Variants in YTHDC2 observed in about 807,000 individuals in gnomAD.
YTHDC2 encodes the protein YTH N6-methyladenosine RNA binding protein C2.
YTHDC2 carries 45 observed loss-of-function variants against 174.9 expected under a neutral mutation model. The observed-to-expected ratio is 0.26, with a 90% CI of 0.20 to 0.33. YTHDC2 has a LOEUF of 0.33. Among genes scored for constraint, YTHDC2 ranks in the 10% least tolerant of loss-of-function variants. The probability of loss-of-function intolerance (pLI) is 1.00; values close to 1 mark genes in which losing one functional copy is unlikely to be tolerated. For synonymous variants in YTHDC2, 657 were observed against 574.5 expected (o/e 1.14, Z -2.05); for missense variants, 1,650 against 1,723.7 (o/e 0.96, Z 0.76).
intron 26 of YTHDC2, among the ~76,000 whole-genome samples, chr5:113,589,318 T>C (rs1778861112): frequency 6.6e-6 from 1 of 150,640 alleles, no homozygotes; most frequent in African/African-American, 2.4e-5. Flanking sequence ...ATTTAGTGTC[T>C]AATCTGCTGT....
At chr5:113,548,215 G>A (rs1036592475) in intron 10 of YTHDC2, among the ~76,000 whole-genome samples, 6 of 152,114 alleles carry the variant, frequency 3.9e-5, no homozygotes, top group African/African-American at 1.4e-4. Context: ...TCTAGATTTA[G>A]GAAGATTATT....
At chr5:113,588,220 C>A (rs1362117776) in intron 26 of YTHDC2, among the ~76,000 whole-genome samples, 1 of 151,992 alleles carries the variant, frequency 6.6e-6, no homozygotes, top group East Asian at 1.9e-4. Context: ...ATCTCTCTGG[C>A]CAGAGCCTCC....
chr5:113,515,830 G>T (rs1373559029), intron 2 of YTHDC2, among the ~76,000 whole-genome samples: 2 of 152,190 alleles, frequency 1.3e-5, no homozygotes, highest in Non-Finnish European at 2.9e-5. Flanking sequence ...GCAGTAAATT[G>T]TGGGAAGGTA....
At chr5:113,529,667 C>T (rs1429677281) in intron 4 of YTHDC2, among the ~76,000 whole-genome samples, 2 of 151,704 alleles carry the variant, frequency 1.3e-5, no homozygotes, top group Admixed American at 6.6e-5. Context: ...TCTATGAGTT[C>T]CTTATTTTTA....
In YTHDC2 at chr5:113,513,727, GCT is replaced by G. The variant is rs1773174391; in HGVS notation, c.-168_-167del. On this transcript the variant is annotated 5_prime_UTR_variant, in exon 1 of 30. The change abolishes the stop of an existing upstream ORF in the 5' untranslated region. Coordinates refer to ENST00000161863, the MANE Select transcript of YTHDC2 (RefSeq NM_022828.5). The stretch of plus-strand genomic sequence containing the variant: ...CCTGGCCGTGATATCAATGGCGCAG[GCT>G]TCACTTCTGCTGTGGCGGTGACTGA... 4.3e-6 allele frequency: 3 copies of G among 698,974 alleles called. No homozygotes were observed. Among genetic ancestry groups the G allele is most frequent in the Non-Finnish European group, 4.4e-6 (2 of 450,678 alleles). 43.3% of individuals were successfully genotyped at this position (698,974 alleles called of 1,614,324 possible).
At position 113,553,970 on chromosome 5, in the gene YTHDC2, G is replaced by A. The variant is rs1315712518; in HGVS notation, c.2081G>A (p.Ser694Asn). 1 of 1,586,798 alleles carries A rather than the reference G, an allele frequency of 6.3e-7. No homozygotes were observed. The highest frequency in any genetic ancestry group is 1.4e-5 in the African/African-American group (1 of 73,388). ...IILSTNIAETSITVNDVVFVI... is the reference protein window; with the variant it reads ...IILSTNIAETNITVNDVVFVI... ...CTTTCCACCAATATTGCTGAAACCA[G>A]CATCACAGTCAATGATGTTGTCTTT... The change falls in exon 16 of 30, where the codon AGC (serine) becomes AAC (asparagine). Residue 694 changes from serine (S) to asparagine (N), a missense_variant. This residue lies in a region of YTHDC2 where 913 missense variants were observed against 940.4 expected (regional missense o/e 0.97). Transcript: ENST00000161863.
At position 113,563,604 on chromosome 5, in the gene YTHDC2, G is replaced by A. The variant is rs6886338; in HGVS notation, c.2442+112G>A. 0.54 allele frequency: 659,925 copies of A among 1,213,182 alleles called. 186,999 individuals are homozygous for A. Among genetic ancestry groups the A allele is most frequent in the African/African-American group, 0.91 (59,156 of 65,030 alleles). The allele number at this position is 1,213,182 out of a possible 1,614,324, so 75.2% of individuals were successfully genotyped here. A position where few individuals can be genotyped will look rare whatever the true frequency, so the allele number is the denominator to read the frequency against. ...AATTATTTTTTATTTTTGTCCTCCT[G>A]CATGTGTCCAGATAAACTAATTTTG... On this transcript the variant is annotated intron_variant, in intron 19 of 29. Coordinates refer to ENST00000161863, the MANE Select transcript of YTHDC2 (RefSeq NM_022828.5).
At chr5:113,560,277 A>G (rs1008960394) in intron 17 of YTHDC2, among the ~76,000 whole-genome samples, 19 of 152,134 alleles carry the variant, frequency 1.2e-4, no homozygotes, top group African/African-American at 3.6e-4. Flanking sequence ...CATTCCCTGG[A>G]CCCTCAGTTC....
chr5:113,542,900 C>T (rs112057647), intron 10 of YTHDC2, among the ~76,000 whole-genome samples: 1 of 152,088 alleles, frequency 6.6e-6, no homozygotes, highest in Non-Finnish European at 1.5e-5. Context: ...TGATTACTTT[C>T]TTCTTGAAAT....
chr5:113,549,683 A>G (rs974018285), intron 12 of YTHDC2, among the ~76,000 whole-genome samples: 2 of 152,058 alleles, frequency 1.3e-5, no homozygotes, highest in African/African-American at 4.8e-5. Flanking sequence ...CTGATATTAC[A>G]ATCTACCCCC....
rs769751986 is a variant in YTHDC2 at position 113,567,647 on chromosome 5, T to A, written c.3049-7T>A. On this transcript the variant is annotated splice_region_variant and splice_polypyrimidine_tract_variant and intron_variant, in intron 22 of 29. Coordinates refer to ENST00000161863, the MANE Select transcript of YTHDC2 (RefSeq NM_022828.5). ...TTAACAATTTTTAAAATTTATTTTCTTAATAGATTCCTCCAGCCAATGGTC... is the reference window on the plus strand; with the variant it reads ...TTAACAATTTTTAAAATTTATTTTCATAATAGATTCCTCCAGCCAATGGTC... 4 of 1,579,876 alleles carry A rather than the reference T, an allele frequency of 2.5e-6. No homozygotes were observed. Among genetic ancestry groups the A allele is most frequent in the Non-Finnish European group, 3.4e-6 (4 of 1,168,396 alleles).
At chr5:113,550,772 T>C (rs1776204710) in intron 12 of YTHDC2, among the ~76,000 whole-genome samples, 1 of 152,118 alleles carries the variant, frequency 6.6e-6, no homozygotes, top group African/African-American at 2.4e-5. Flanking sequence ...TATGTATTGC[T>C]TTGATTTAGC....
intron 23 of YTHDC2, among the ~76,000 whole-genome samples, chr5:113,570,692 C>T (rs1777656711): frequency 6.6e-6 from 1 of 152,034 alleles, no homozygotes; most frequent in Admixed American, 6.6e-5. Flanking sequence ...ACTTTGCCGC[C>T]CAGGTTGGAG....
intron 2 of YTHDC2, among the ~76,000 whole-genome samples, chr5:113,518,995 A>C (rs1773676428): frequency 6.6e-6 from 1 of 151,976 alleles, no homozygotes; most frequent in South Asian, 2.1e-4. Context: ...TTTCCTCGCA[A>C]GTAGATAGGA....
intron 17 of YTHDC2, among the ~76,000 whole-genome samples, chr5:113,558,539 T>G (rs1776756211): frequency 6.6e-6 from 1 of 152,174 alleles, no homozygotes; most frequent in Non-Finnish European, 1.5e-5. Context: ...GAGTTAAGGA[T>G]GTCATCCAGG....
At chr5:113,541,855 A>C (rs1363233525) in intron 9 of YTHDC2, among the ~76,000 whole-genome samples, 1 of 152,128 alleles carries the variant, frequency 6.6e-6, no homozygotes, top group Non-Finnish European at 1.5e-5. Context: ...AACATATAGT[A>C]TAGACTTATT....
chr5:113,561,243 T>G, intron 18 of YTHDC2, 58 bp downstream of exon 18: 3 of 1,345,822 alleles, frequency 2.2e-6, no homozygotes, highest in Non-Finnish European at 3.1e-6. Flanking sequence ...TGAGGGGCCA[T>G]TTCAACTTCT....
intron 2 of YTHDC2, 105 bp from the exon 3 acceptor site, chr5:113,524,876 A>G: frequency 1.2e-6 from 1 of 862,988 alleles, no homozygotes; most frequent in South Asian, 2.5e-5. Flanking sequence ...AAGCATTTTG[A>G]TTTTTTTCAG....
At chr5:113,585,035 C>G (rs1778603066) in intron 26 of YTHDC2, among the ~76,000 whole-genome samples, 1 of 151,968 alleles carries the variant, frequency 6.6e-6, no homozygotes, top group Non-Finnish European at 1.5e-5. Flanking sequence ...CCCATCTCAG[C>G]CTCCGAGTGG....
Sources: gnomAD v4.1 joint callset for allele counts (sites outside exome capture counted in the v4.1 genomes callset) on GRCh38, gnomAD v4.1.1 for gene constraint, gnomAD v4.1.1 regional missense constraint, MANE v1.5 for transcripts, NCBI Gene and HGNC (gene_info 2026-07-23, HGNC 2026-07-21) for gene names.